The following SLIT3 variants were observed in gnomAD, a reference collection of about 807,000 sequenced individuals.
SLIT3 encodes slit homolog 3 protein.
SLIT3 carries 68 observed loss-of-function variants against 184.0 expected under a neutral mutation model. The ratio of observed to expected loss-of-function variants is 0.37; its 90% CI spans 0.30 to 0.45. The LOEUF is 0.45. Ranked by LOEUF, SLIT3 falls within the 20% of genes least tolerant of loss-of-function variation. SLIT3 has a pLI of 1.00. For missense variants in SLIT3, 1,707 were observed against 2,026.0 expected (o/e 0.84, Z 3.02); for synonymous variants, 831 against 828.6 (o/e 1.00, Z -0.05).
intron 4 of SLIT3, among the ~76,000 whole-genome samples, chr5:168,951,889 C>G (rs1305002422): frequency 2.6e-5 from 4 of 152,152 alleles, no homozygotes; most frequent in Non-Finnish European, 1.5e-5. Flanking sequence ...CTTTGATGCA[C>G]AGGGCTGTTA....
chr5:169,169,098 A>G (rs1762737318), intron 4 of SLIT3, among the ~76,000 whole-genome samples: 1 of 152,162 alleles, frequency 6.6e-6, no homozygotes, highest in South Asian at 2.1e-4. Flanking sequence ...GCAGCATCCT[A>G]GTTGCCTCCA....
chr5:169,235,327 G>A (rs1360487824), intron 3 of SLIT3, among the ~76,000 whole-genome samples: 7 of 151,800 alleles, frequency 4.6e-5, no homozygotes, highest in Non-Finnish European at 2.9e-5. Context: ...ATGTATTTTT[G>A]GCATAAAAAA....
chr5:168,914,254 G>A (rs1242003645), intron 4 of SLIT3, among the ~76,000 whole-genome samples: 6 of 152,248 alleles, frequency 3.9e-5, no homozygotes, highest in Non-Finnish European at 5.9e-5. Context: ...GGGGGTCTCC[G>A]AATTAATTAG....
intron 1 of SLIT3, among the ~76,000 whole-genome samples, chr5:169,281,558 C>T (rs191784015): frequency 1.3e-5 from 2 of 152,184 alleles, no homozygotes; most frequent in Non-Finnish European, 2.9e-5. Context: ...TAAAACCACA[C>T]TGTGTTGTAT....
At chr5:168,903,915 C>A (rs759012098) in intron 4 of SLIT3, among the ~76,000 whole-genome samples, 6 of 152,278 alleles carry the variant, frequency 3.9e-5, no homozygotes, top group Admixed American at 2.6e-4. Context: ...CTTCTCTGAT[C>A]GAAGTGGGGA....
At chr5:168,688,941 A>G (rs1403712392) in intron 29 of SLIT3, among the ~76,000 whole-genome samples, 1 of 152,232 alleles carries the variant, frequency 6.6e-6, no homozygotes, top group Non-Finnish European at 1.5e-5. Flanking sequence ...TTAAGCCTGG[A>G]CTTCAAGGCT....
At chr5:168,754,109 C>T (rs1754811517) in intron 16 of SLIT3, 102 bp from the exon 17 acceptor site, 2 of 1,260,040 alleles carry the variant, frequency 1.6e-6, no homozygotes, top group Non-Finnish European at 2.2e-6. Context: ...TCTCTGGGGC[C>T]CCTGAGACTG....
At chr5:168,678,311 GCCTCC>G in intron 32 of SLIT3, among the ~76,000 whole-genome samples, 1 of 152,134 alleles carries the variant, frequency 6.6e-6, no homozygotes, top group Non-Finnish European at 1.5e-5. Context: ...AAGTCAGGAT[GCCTCC>G]ATTTCTACTT....
chr5:169,119,493 A>G (rs1245278021), intron 4 of SLIT3, among the ~76,000 whole-genome samples: 1 of 152,252 alleles, frequency 6.6e-6, no homozygotes, highest in Non-Finnish European at 1.5e-5. Context: ...TGGCTAATTC[A>G]TCTCCAAGGA....
chr5:168,997,293 T>C (rs544131785), intron 4 of SLIT3, among the ~76,000 whole-genome samples: 1 of 152,128 alleles, frequency 6.6e-6, no homozygotes, highest in East Asian at 1.9e-4. Context: ...CGACTGAGAA[T>C]TTGTGTCAAA....
At chr5:169,155,531 C>T (rs537820604) in intron 4 of SLIT3, among the ~76,000 whole-genome samples, 32 of 152,268 alleles carry the variant, frequency 2.1e-4, no homozygotes, top group Admixed American at 3.3e-4. Flanking sequence ...TCAATTCTAA[C>T]GTAGATACAA....
intron 5 of SLIT3, among the ~76,000 whole-genome samples, chr5:168,870,009 T>C (rs1477702172): frequency 1.3e-5 from 2 of 152,248 alleles, no homozygotes; most frequent in East Asian, 3.8e-4. Flanking sequence ...AAGTGCTCCG[T>C]GCCGGCACGG....
At position 169,004,835 on chromosome 5, in the gene SLIT3, G is replaced by C. The variant is rs531600541; in HGVS notation, c.414-121499C>G. 2.9e-4 allele frequency among the ~76,000 whole-genome samples: 44 copies of C among 152,286 alleles called. 2 individuals are homozygous for C. In the South Asian group the frequency reaches 8.1e-3, roughly 28 times the overall value. ...CATGTGACGATACAGCTAGAAGGCAGCTGCATGCCAGGAAGAAGGCCCTCC... is the reference window on the plus strand; with the variant it reads ...CATGTGACGATACAGCTAGAAGGCACCTGCATGCCAGGAAGAAGGCCCTCC... On this transcript the variant is annotated intron_variant, in intron 4 of 35. Coordinates refer to ENST00000519560, the MANE Select transcript of SLIT3 (RefSeq NM_003062.4).
intron 4 of SLIT3, among the ~76,000 whole-genome samples, chr5:168,970,295 A>G (rs1454429065): frequency 3.9e-5 from 6 of 152,200 alleles, no homozygotes; most frequent in African/African-American, 9.6e-5. Context: ...CAGGAGTTCA[A>G]GACCAGCCTG....
At chr5:168,718,843 C>A (rs1270487005) in intron 23 of SLIT3, among the ~76,000 whole-genome samples, 1 of 152,106 alleles carries the variant, frequency 6.6e-6, no homozygotes, top group Non-Finnish European at 1.5e-5. Flanking sequence ...GATGCTCATT[C>A]TTCTTGCTGC....
chr5:169,221,249 C>T (rs1377886178), intron 3 of SLIT3, among the ~76,000 whole-genome samples: 1 of 152,230 alleles, frequency 6.6e-6, no homozygotes, highest in African/African-American at 2.4e-5. Context: ...CTGGCTCACA[C>T]CAACAGAAGA....
At chr5:169,093,755 C>T (rs1759675679) in intron 4 of SLIT3, among the ~76,000 whole-genome samples, 1 of 152,182 alleles carries the variant, frequency 6.6e-6, no homozygotes, top group Non-Finnish European at 1.5e-5. Context: ...ATTCATTCCT[C>T]ACTCTCTAAA....
chr5:169,157,090 C>T (rs1401792038), intron 4 of SLIT3, among the ~76,000 whole-genome samples: 1 of 152,200 alleles, frequency 6.6e-6, no homozygotes, highest in Non-Finnish European at 1.5e-5. Context: ...CAAAGTACCC[C>T]AAGTCCCTGC....
intron 25 of SLIT3, chr5:168,710,339 T>A (rs1388483506): frequency 6.6e-6 from 1 of 152,208 alleles, no homozygotes; most frequent in Non-Finnish European, 1.5e-5. Context: ...TCATTCCTGT[T>A]GCATACAAAC....
Sources: gnomAD v4.1 joint callset for allele counts (sites outside exome capture counted in the v4.1 genomes callset) on GRCh38, gnomAD v4.1.1 for gene constraint, MANE v1.5 for transcripts, NCBI Gene and HGNC (gene_info 2026-07-23, HGNC 2026-07-21) for gene names.